KIF13A: variants seen among roughly 807,000 people sequenced by gnomAD.
KIF13A encodes kinesin family member 13A.
Under a neutral mutation model 212.2 loss-of-function variants are expected in KIF13A, and 79 were observed. The observed-to-expected ratio is 0.37, with a 90% confidence interval of 0.31 to 0.45. The LOEUF is 0.45. Ranked by LOEUF, KIF13A falls within the 20% of genes least tolerant of loss-of-function variation. KIF13A has a pLI of 1.00. For missense variants in KIF13A, 1,901 were observed against 2,209.0 expected (o/e 0.86, Z 2.79); for synonymous variants, 789 against 808.6 (o/e 0.98, Z 0.41).
intron 2 of KIF13A, among the ~76,000 whole-genome samples, chr6:17,952,842 G>A (rs1777990048): frequency 1.3e-5 from 2 of 151,776 alleles, no homozygotes; most frequent in Admixed American, 6.6e-5. Context: ...AGGCAGGAGA[G>A]TGGCGCGAAC....
chr6:17,795,385 C>A (rs1761939098), intron 23 of KIF13A, among the ~76,000 whole-genome samples: 1 of 150,914 alleles, frequency 6.6e-6, no homozygotes, highest in African/African-American at 2.4e-5. Flanking sequence ...GAGTTCGAGA[C>A]CAGCCTGGCC....
intron 16 of KIF13A, among the ~76,000 whole-genome samples, chr6:17,824,541 C>A (rs894046914): frequency 1.3e-5 from 2 of 151,852 alleles, no homozygotes; most frequent in Non-Finnish European, 2.9e-5. Context: ...AGGCGGATCA[C>A]GAGGTCGGGA....
At chr6:17,793,038 A>G (rs1761728730) in intron 25 of KIF13A, among the ~76,000 whole-genome samples, 1 of 152,138 alleles carries the variant, frequency 6.6e-6, no homozygotes, top group South Asian at 2.1e-4. Flanking sequence ...CTGGGGACTC[A>G]ATGAAGCACA....
At chr6:17,937,293 C>T (rs9371031) in intron 2 of KIF13A, among the ~76,000 whole-genome samples, 76,655 of 152,096 alleles carry the variant, frequency 0.5, 20,840 homozygotes, top group Non-Finnish European at 0.61. Flanking sequence ...TCTGGTAACT[C>T]CAATATTTGT....
Position 17,775,076 on chromosome 6 carries a change from A to G in KIF13A, c.4171-14T>C. On this transcript the variant is annotated splice_polypyrimidine_tract_variant and intron_variant, in intron 34 of 38. Coordinates refer to ENST00000259711, the MANE Select transcript of KIF13A (RefSeq NM_022113.6). ...GCTGGAAGAGACCTATAAGAGAAGAATGGTTTTAGCAATGTGGTTTATATA... is the reference window on the plus strand; with the variant it reads ...GCTGGAAGAGACCTATAAGAGAAGAGTGGTTTTAGCAATGTGGTTTATATA... The G allele has an allele frequency of 6.2e-7, 1 of 1,606,430 alleles. No homozygotes were observed. Among genetic ancestry groups the G allele is most frequent in the Non-Finnish European group, 8.5e-7 (1 of 1,175,700 alleles).
rs1772924922 is a variant in KIF13A at position 17,900,155 on chromosome 6, G to A, written c.147-1975C>T. ...ATAGGTTTCCCATTTATGTTATGAT[G>A]AACCCAGTAACCCAACGGGGCTGGG... On this transcript the variant is annotated intron_variant, in intron 2 of 38. Transcript: ENST00000259711. This position sits in a 1 kb window ranked among gnomAD's most constrained non-coding sequence, Gnocchi z 4.6. Among the ~76,000 whole-genome samples, 2 of 152,274 alleles carry A rather than the reference G, an allele frequency of 1.3e-5. No individual in the cohort carries two copies. Among genetic ancestry groups the A allele is most frequent in the Middle Eastern group, 3.4e-3 (1 of 294 alleles).
chr6:17,901,167 G>C (rs1481993136), intron 2 of KIF13A, among the ~76,000 whole-genome samples: 1 of 150,944 alleles, frequency 6.6e-6, no homozygotes, highest in Non-Finnish European at 1.5e-5. Flanking sequence ...CCTGCATGAG[G>C]TGATGGGCTG....
intron 9 of KIF13A, among the ~76,000 whole-genome samples, chr6:17,847,992 T>C (rs1371468172): frequency 6.6e-6 from 1 of 152,046 alleles, no homozygotes; most frequent in Non-Finnish European, 1.5e-5. Flanking sequence ...TTTGCATTTT[T>C]AGTACAGAAG....
Position 17,764,629 on chromosome 6 carries a change from G to A in KIF13A, c.4899C>T (p.Thr1633=), listed in dbSNP as rs561865154. ...LAIQTKDADS[T]EHSTPSLVHD... ...GCACAAGCGATGGTGTGGAGTGCTCGGTGGAGTCTGCATCCTTCGTCTGAA... is the reference window on the plus strand; with the variant it reads ...GCACAAGCGATGGTGTGGAGTGCTCAGTGGAGTCTGCATCCTTCGTCTGAA... Residue 1633 remains threonine, a synonymous_variant, in exon 39 of 39, where the codon ACC becomes ACT. Transcript: ENST00000259711. This position sits in a 1 kb window ranked among gnomAD's most constrained non-coding sequence, Gnocchi z 5.1. 8.1e-6 allele frequency: 13 copies of A among 1,613,374 alleles called. No homozygotes were observed. Among genetic ancestry groups the A allele is most frequent in the East Asian group, 6.7e-5 (3 of 44,836 alleles).
intron 2 of KIF13A, among the ~76,000 whole-genome samples, chr6:17,955,068 G>A (rs1429345291): frequency 2.0e-5 from 3 of 152,088 alleles, no homozygotes; most frequent in South Asian, 2.1e-4. Flanking sequence ...GGGCTCAAGC[G>A]ATCCTCCTGC....
chr6:17,842,382 C>T (rs541153930), intron 9 of KIF13A, among the ~76,000 whole-genome samples: 1 of 152,090 alleles, frequency 6.6e-6, no homozygotes, highest in South Asian at 2.1e-4. Flanking sequence ...TTATTTTATT[C>T]CCAGGGAACT....
Position 17,824,770 on chromosome 6 carries a change from AAAAAAAAAAAC to A in KIF13A, c.1786+987_1786+997del, listed in dbSNP as rs1163877192. On this transcript the variant is annotated intron_variant, in intron 16 of 38. Coordinates refer to ENST00000259711, the MANE Select transcript of KIF13A (RefSeq NM_022113.6). ...AGAGAGACTCCGTCTCAAAAAAAAA[AAAAAAAAAAAC>A]AAAACACCAAAATGCTCTTCAAGCC... Among the ~76,000 whole-genome samples the A allele has an allele frequency of 4.1e-5, 6 of 147,540 alleles. No individual in the cohort carries two copies. In the South Asian group the frequency reaches 1.1e-3, roughly 26 times the overall value.
chr6:17,826,697 A>T lies in KIF13A; in HGVS notation c.1533-573T>A, dbSNP rs1325949622. On this transcript the variant is annotated intron_variant, in intron 14 of 38. Coordinates refer to ENST00000259711, the MANE Select transcript of KIF13A (RefSeq NM_022113.6). This position sits in a 1 kb window ranked among gnomAD's most constrained non-coding sequence, Gnocchi z 4.7. Reference sequence around the variant, plus strand: ...AATGGTAGGATCTTATCTGGATCCTAATTTCAAGAAACAACTGAAAAAGAA... The same window carrying T: ...AATGGTAGGATCTTATCTGGATCCTTATTTCAAGAAACAACTGAAAAAGAA... 6.6e-6 allele frequency among the ~76,000 whole-genome samples: 1 copy of T among 152,190 alleles called. No homozygotes were observed. The highest frequency in any genetic ancestry group is 2.4e-5 in the African/African-American group (1 of 41,444).
rs1304828566 is a variant in KIF13A at position 17,783,041 on chromosome 6, G to A, written c.3544+605C>T. Among the ~76,000 whole-genome samples, 2 of 152,210 alleles carry A rather than the reference G, an allele frequency of 1.3e-5. No homozygotes were observed. The highest frequency in any genetic ancestry group is 1.9e-4 in the East Asian group (1 of 5,194). Reference sequence around the variant, plus strand: ...TTTTGGGCTTCCTTCTAGAACAGAGGTTTTCAGGCTGTGTTTTGAGGAGCC... The same window carrying A: ...TTTTGGGCTTCCTTCTAGAACAGAGATTTTCAGGCTGTGTTTTGAGGAGCC... On this transcript the variant is annotated intron_variant, in intron 29 of 38. Coordinates refer to ENST00000259711, the MANE Select transcript of KIF13A (RefSeq NM_022113.6). This position sits in a 1 kb window ranked among gnomAD's most constrained non-coding sequence, Gnocchi z 4.3.
rs1169691550 is a variant in KIF13A, at chr6:17,825,752, AGAGT to A, written c.1786+12_1786+15del. 2 of 1,606,306 alleles carry A rather than the reference AGAGT, an allele frequency of 1.2e-6. No individual in the cohort carries two copies. On this transcript the variant is annotated intron_variant, in intron 16 of 38. Coordinates refer to ENST00000259711, the MANE Select transcript of KIF13A (RefSeq NM_022113.6). This position sits in a 1 kb window ranked among gnomAD's most constrained non-coding sequence, Gnocchi z 4.5. ...GGAAATGCCCAAGGCGCTGGAACAC[AGAGT>A]GAGGGTCTTACCATTACTATTCAGG... is the stretch of plus-strand genomic sequence containing the variant.
chr6:17,836,370 G>A (rs530765318), intron 11 of KIF13A, among the ~76,000 whole-genome samples: 1 of 152,232 alleles, frequency 6.6e-6, no homozygotes, highest in Admixed American at 6.5e-5. Flanking sequence ...AAGTTCAAAG[G>A]CCAACTGATT....
intron 16 of KIF13A, among the ~76,000 whole-genome samples, chr6:17,819,768 C>G (rs1245867340): frequency 6.6e-6 from 1 of 152,006 alleles, no homozygotes; most frequent in African/African-American, 2.4e-5. Context: ...TTGAGGGCAT[C>G]TGAAGACATT....
At position 17,888,056 on chromosome 6, in the gene KIF13A, T is replaced by C. The variant is rs1011307684; in HGVS notation, c.159+10112A>G. On this transcript the variant is annotated intron_variant, in intron 3 of 38. Transcript: ENST00000259711. The surrounding 1 kb of genome is among the most constrained non-coding windows in gnomAD (Gnocchi z 4.8). Reference sequence around the variant, plus strand: ...TTTCTGCACTTTGACACCCTATCCATACTTGCAGGCCTCCTGAAGTTCCAT... The same window carrying C: ...TTTCTGCACTTTGACACCCTATCCACACTTGCAGGCCTCCTGAAGTTCCAT... Among the ~76,000 whole-genome samples, 12 of 152,096 alleles carry C rather than the reference T, an allele frequency of 7.9e-5. No individual in the cohort carries two copies. Among genetic ancestry groups the C allele is most frequent in the African/African-American group, 1.7e-4 (7 of 41,420 alleles).
chr6:17,922,855 C>T (rs998439380), intron 2 of KIF13A, among the ~76,000 whole-genome samples: 3 of 151,840 alleles, frequency 2.0e-5, no homozygotes, highest in African/African-American at 7.3e-5. Context: ...AACTCCTGGG[C>T]TCAAGCGATC....
Sources: allele counts gnomAD v4.1 joint callset (sites outside exome capture counted in the v4.1 genomes callset), GRCh38; gene constraint gnomAD v4.1.1; non-coding constraint Gnocchi (gnomAD v3.1); transcripts MANE v1.5; gene names NCBI Gene and HGNC (gene_info 2026-07-23, HGNC 2026-07-21).